The following SLIT3 variants were observed in gnomAD, a reference collection of about 807,000 sequenced individuals.
SLIT3 encodes slit guidance ligand 3.
SLIT3 carries 68 observed loss-of-function variants against 184.0 expected under a neutral mutation model. The ratio of observed to expected loss-of-function variants is 0.37; its 90% confidence interval spans 0.30 to 0.45. SLIT3 has a LOEUF of 0.45. SLIT3 is among the 20% of genes least tolerant of loss of function. The pLI is 1.00. For missense variants in SLIT3, 1,707 were observed against 2,026.0 expected, an observed-to-expected ratio of 0.84 and a Z score of 3.02; for synonymous variants, 831 against 828.6, an observed-to-expected ratio of 1.00 and a Z score of -0.05.
Position 169,216,677 on chromosome 5 carries a change from G to T in SLIT3, c.342-23127C>A, listed in dbSNP as rs770592056. Among the ~76,000 whole-genome samples the T allele has an allele frequency of 6.1e-4, 93 of 152,174 alleles. 2 individuals are homozygous for T. The highest frequency in any genetic ancestry group is 8.8e-5 in the Non-Finnish European group (6 of 68,040). Reference sequence around the variant, plus strand: ...TGATTTCATCTGTAATTCCTCGATGGTTATCTGAGGTATGCTACCTGTGAG... The same window carrying T: ...TGATTTCATCTGTAATTCCTCGATGTTTATCTGAGGTATGCTACCTGTGAG... On this transcript the variant is annotated intron_variant, in intron 3 of 35. Transcript: ENST00000519560.
chr5:169,120,823 G>A (rs1714711087), intron 4 of SLIT3, among the ~76,000 whole-genome samples: 1 of 151,964 alleles, frequency 6.6e-6, no homozygotes, highest in Non-Finnish European at 1.5e-5. Flanking sequence ...TGCAATCACT[G>A]GCCCACCACC....
rs1158968899 is a variant in SLIT3 at position 169,008,232 on chromosome 5, C to A, written c.414-124896G>T. Among the ~76,000 whole-genome samples, 3 of 152,252 alleles carry A rather than the reference C, an allele frequency of 2.0e-5. No homozygotes were observed. The East Asian group carries it at 5.8e-4, about 29-fold the overall frequency. On this transcript the variant is annotated intron_variant, in intron 4 of 35. Transcript: ENST00000519560. Reference sequence around the variant, plus strand: ...ATGTGAGTTAGAGAAAACATTGGGTCTCATAGAAAAGGGATCTCTAGACTC... The same window carrying A: ...ATGTGAGTTAGAGAAAACATTGGGTATCATAGAAAAGGGATCTCTAGACTC...
intron 4 of SLIT3, among the ~76,000 whole-genome samples, chr5:169,132,074 T>C (rs1428540184): frequency 1.3e-5 from 2 of 152,142 alleles, no homozygotes; most frequent in African/African-American, 4.8e-5. Flanking sequence ...CAGAGTCCTG[T>C]TTCTTTAAGC....
chr5:169,300,819 T>C lies in SLIT3; in HGVS notation c.-110A>G. The C allele has an allele frequency of 3.5e-6, 4 of 1,127,020 alleles. No homozygotes were observed. Among genetic ancestry groups the C allele is most frequent in the African/African-American group, 1.6e-5 (1 of 61,114 alleles). The allele number at this position is 1,127,020 out of a possible 1,614,324, so 69.8% of individuals were successfully genotyped here. ...CGGCCTGGGGAGCGGGCGGCGGAGT[T>C]AGCGCGGAGGAGGGGCGAGCTCGGT... On this transcript the variant is annotated 5_prime_UTR_variant, in exon 1 of 36. Transcript: ENST00000519560. This position sits in a 1 kb window ranked among gnomAD's most constrained non-coding sequence, Gnocchi z 4.1.
chr5:168,971,125 A>G (rs34821228), intron 4 of SLIT3, among the ~76,000 whole-genome samples: 1 of 152,212 alleles, frequency 6.6e-6, no homozygotes. Context: ...AATTGTACAA[A>G]TGAGGCTAAA....
At chr5:168,837,322 T>C (rs1018928510) in intron 6 of SLIT3, among the ~76,000 whole-genome samples, 1 of 152,198 alleles carries the variant, frequency 6.6e-6, no homozygotes, top group African/African-American at 2.4e-5. Flanking sequence ...GATAAAATGT[T>C]TGTAGCTCCC....
At chr5:168,798,455 C>T (rs1247772334) in intron 9 of SLIT3, among the ~76,000 whole-genome samples, 1 of 152,058 alleles carries the variant, frequency 6.6e-6, no homozygotes, top group African/African-American at 2.4e-5. Flanking sequence ...TCTCAAACTC[C>T]TGGCTTCAAG....
chr5:168,696,985 A>G (rs1364255779), intron 27 of SLIT3, among the ~76,000 whole-genome samples: 1 of 152,132 alleles, frequency 6.6e-6, no homozygotes, highest in Non-Finnish European at 1.5e-5. Flanking sequence ...GATACATTCT[A>G]GCTACTTGAC....
intron 3 of SLIT3, among the ~76,000 whole-genome samples, chr5:169,239,401 C>G (rs1765316673): frequency 6.6e-6 from 1 of 151,994 alleles, no homozygotes; most frequent in African/African-American, 2.4e-5. Flanking sequence ...AGTTGCTATA[C>G]TTTATTCCTT....
chr5:168,826,021 C>T (rs1437419576), intron 6 of SLIT3, among the ~76,000 whole-genome samples: 1 of 152,200 alleles, frequency 6.6e-6, no homozygotes, highest in Non-Finnish European at 1.5e-5. Flanking sequence ...AGAGAAGGGG[C>T]TTCTTTCCAA....
chr5:168,928,066 G>C (rs577545044), intron 4 of SLIT3, among the ~76,000 whole-genome samples: 1 of 152,302 alleles, frequency 6.6e-6, no homozygotes, highest in South Asian at 2.1e-4. Context: ...CTTCAAGTCA[G>C]AGATCATACA....
intron 29 of SLIT3, among the ~76,000 whole-genome samples, chr5:168,687,619 A>C (rs1369271645): frequency 2.0e-5 from 3 of 152,192 alleles, no homozygotes; most frequent in Admixed American, 1.3e-4. Context: ...AACTGTTCTA[A>C]GTGGGTCAGT....
intron 32 of SLIT3, among the ~76,000 whole-genome samples, chr5:168,676,556 A>C (rs1425226969): frequency 6.6e-6 from 1 of 152,204 alleles, no homozygotes; most frequent in Non-Finnish European, 1.5e-5. Context: ...TGGGCTGGTA[A>C]AAGCAGGAAG....
chr5:169,103,405 T>C (rs1278866202), intron 4 of SLIT3, among the ~76,000 whole-genome samples: 1 of 152,162 alleles, frequency 6.6e-6, no homozygotes, highest in Non-Finnish European at 1.5e-5. Context: ...CTGGCCCAGG[T>C]GATCCTCAGA....
intron 4 of SLIT3, among the ~76,000 whole-genome samples, chr5:168,933,395 A>G (rs1348438504): frequency 1.3e-5 from 2 of 152,170 alleles, no homozygotes; most frequent in Non-Finnish European, 2.9e-5. Context: ...ACAAAACATT[A>G]GTGGGGCATG....
chr5:168,683,369 C>CAAA lies in SLIT3; in HGVS notation c.3686+594_3686+596dup, dbSNP rs59868617. ...TGGGCAAGAGAACAAAACTCCATCT[C>CAAA]AAAAAAAAAAAAAAAAGAAAAGAAA... On this transcript the variant is annotated intron_variant, in intron 32 of 35. Coordinates refer to ENST00000519560, the MANE Select transcript of SLIT3 (RefSeq NM_003062.4). 2.9e-3 allele frequency among the ~76,000 whole-genome samples: 302 copies of CAAA among 104,796 alleles called. 1 individual carries two copies. The highest frequency in any genetic ancestry group is 8.7e-3 in the African/African-American group (267 of 30,552). The allele number at this position is 104,796 out of a possible 152,430, so 68.8% of individuals were successfully genotyped here.
chr5:169,037,347 G>A (rs1286079672), intron 4 of SLIT3, among the ~76,000 whole-genome samples: 4 of 152,310 alleles, frequency 2.6e-5, no homozygotes, highest in East Asian at 1.9e-4. Flanking sequence ...AGCTTTATTC[G>A]TTAGTGGAGA....
Position 168,762,674 on chromosome 5 carries a change from C to A in SLIT3, c.1475G>T (p.Arg492Leu), listed in dbSNP as rs763884356. 6 of 1,613,560 alleles carry A rather than the reference C, an allele frequency of 3.7e-6. No individual in the cohort carries two copies. The Admixed American group carries it at 5.0e-5, about 13-fold the overall frequency. The change falls in exon 15 of 36, where the codon CGC (arginine) becomes CTC (leucine). Residue 492 changes from arginine (R) to leucine (L), a missense_variant. Physicochemically the swap from Arg to Leu is moderately radical, Grantham distance 102. Transcript: ENST00000519560. ...GAAGCACTCGCTGCTGAACCTGCTGCGGTAATCCTCGGAGCCTGGGAGGGG... is the reference window on the plus strand; with the variant it reads ...GAAGCACTCGCTGCTGAACCTGCTGAGGTAATCCTCGGAGCCTGGGAGGGG... ...KFRCSGSEDY[R>L]SRFSSECFMD...
intron 4 of SLIT3, among the ~76,000 whole-genome samples, chr5:169,061,397 T>C (rs183724312): frequency 1.7e-4 from 26 of 152,292 alleles, no homozygotes; most frequent in African/African-American, 6.3e-4. Flanking sequence ...CAGGTCTGTA[T>C]TCACTCTTCA....
Sources: gnomAD v4.1 joint callset for allele counts (sites outside exome capture counted in the v4.1 genomes callset) on GRCh38, gnomAD v4.1.1 for gene constraint, Gnocchi (gnomAD v3.1) non-coding constraint, MANE v1.5 for transcripts, NCBI Gene and HGNC (gene_info 2026-07-23, HGNC 2026-07-21) for gene names.